EFNA5: variants seen among roughly 807,000 people sequenced by gnomAD.
EFNA5 encodes ephrin-A5.
EFNA5 carries 5 observed loss-of-function variants against 22.9 expected under a neutral mutation model. The ratio of observed to expected loss-of-function variants is 0.22; its 90% CI spans 0.11 to 0.46. The LOEUF (loss-of-function observed/expected upper bound fraction) is 0.46, where lower values mean the gene tolerates loss of function less well. Among genes scored for constraint, EFNA5 ranks in the 20% least tolerant of loss-of-function variants. EFNA5 has a pLI of 0.99. For synonymous variants in EFNA5, 113 were observed against 112.2 expected (o/e 1.01, Z -0.04); for missense variants, 237 against 293.3 (o/e 0.81, Z 1.40).
intron 2 of EFNA5, among the ~76,000 whole-genome samples, chr5:107,426,048 T>G (rs1317033583): frequency 2.6e-5 from 4 of 152,182 alleles, no homozygotes; most frequent in Non-Finnish European, 5.9e-5. Context: ...CTCCCTGAAT[T>G]TATCTTCATC....
chr5:107,453,946 AGTGTGT>A (rs5870261), intron 1 of EFNA5, among the ~76,000 whole-genome samples: 4 of 149,398 alleles, frequency 2.7e-5, no homozygotes, highest in South Asian at 2.1e-4. Flanking sequence ...AAGGAGTGTG[AGTGTGT>A]GTGTGTGTGT....
chr5:107,440,045 A>G (rs1328172466), intron 1 of EFNA5, among the ~76,000 whole-genome samples: 3 of 152,166 alleles, frequency 2.0e-5, no homozygotes, highest in African/African-American at 7.2e-5. Context: ...GTTTTGCACT[A>G]CTTAGTATTA....
intron 2 of EFNA5, among the ~76,000 whole-genome samples, chr5:107,415,432 T>C (rs1484515678): frequency 6.6e-6 from 1 of 152,238 alleles, no homozygotes; most frequent in Non-Finnish European, 1.5e-5. Context: ...CCAAATACTC[T>C]CCACTCCATT....
At chr5:107,409,010 A>T (rs924640557) in intron 2 of EFNA5, among the ~76,000 whole-genome samples, 2 of 152,250 alleles carry the variant, frequency 1.3e-5, no homozygotes, top group Non-Finnish European at 2.9e-5. Flanking sequence ...GCCCAGTCCA[A>T]GGTGATAAAC....
Position 107,623,027 on chromosome 5 carries a change from CAAAAAAAAAAAAAA to C in EFNA5, c.125+47448_125+47461del, listed in dbSNP as rs61689503. On this transcript the variant is annotated intron_variant, in intron 1 of 4. Coordinates refer to ENST00000333274, the MANE Select transcript of EFNA5 (RefSeq NM_001962.3). Reference sequence around the variant, plus strand: ...TGGGTGACAGAGCGAGACTCCGTCTCAAAAAAAAAAAAAAAAAAAAAAAAAAAAAAAGTTGAATA... The same window carrying C: ...TGGGTGACAGAGCGAGACTCCGTCTCAAAAAAAAAAAAAAAAAGTTGAATA... Among the ~76,000 whole-genome samples, 11 of 29,902 alleles carry C rather than the reference CAAAAAAAAAAAAAA, an allele frequency of 3.7e-4. 1 individual carries two copies. The South Asian group carries it at 9.7e-3, about 26-fold the overall frequency. 19.6% of individuals were successfully genotyped at this position (29,902 alleles called of 152,430 possible).
chr5:107,407,526 G>A (rs1162129028), intron 2 of EFNA5, among the ~76,000 whole-genome samples: 2 of 152,120 alleles, frequency 1.3e-5, no homozygotes, highest in African/African-American at 4.8e-5. Flanking sequence ...GATGACCTGG[G>A]CCAGGGACAC....
At chr5:107,583,439 G>A (rs537367689) in intron 1 of EFNA5, among the ~76,000 whole-genome samples, 35 of 152,274 alleles carry the variant, frequency 2.3e-4, no homozygotes, top group African/African-American at 5.8e-4. Flanking sequence ...TTTACTGAGC[G>A]TCGGCAAGGC....
chr5:107,439,763 T>C (rs907616808), intron 1 of EFNA5, among the ~76,000 whole-genome samples: 31 of 152,244 alleles, frequency 2.0e-4, no homozygotes, highest in African/African-American at 7.2e-4. Flanking sequence ...GTTATCTCGC[T>C]GTTTTAGCAA....
intron 1 of EFNA5, among the ~76,000 whole-genome samples, chr5:107,543,225 T>C (rs949580035): frequency 3.3e-5 from 5 of 151,940 alleles, no homozygotes; most frequent in African/African-American, 9.7e-5. Flanking sequence ...GCTAAATTCA[T>C]CCATCAGTGA....
At chr5:107,564,816 T>C (rs903400265) in intron 1 of EFNA5, among the ~76,000 whole-genome samples, 2 of 152,164 alleles carry the variant, frequency 1.3e-5, no homozygotes, top group African/African-American at 4.8e-5. Context: ...TATATCACTG[T>C]CTGATCTAAG....
rs112296968 is a variant in EFNA5 at position 107,427,967 on chromosome 5, T to G, written c.126-458A>C. ...AACAAATAAATGACCGAATTGTTTT[T>G]TGTTATAGTTGAGGCCATTTTCCAC... is the stretch of plus-strand genomic sequence containing the variant. On this transcript the variant is annotated intron_variant, in intron 1 of 4. Coordinates refer to ENST00000333274, the MANE Select transcript of EFNA5 (RefSeq NM_001962.3). Among the ~76,000 whole-genome samples, 19 of 152,360 alleles carry G rather than the reference T, an allele frequency of 1.2e-4. 2 individuals carry two copies. The highest frequency in any genetic ancestry group is 4.3e-4 in the African/African-American group (18 of 41,594).
intron 1 of EFNA5, among the ~76,000 whole-genome samples, chr5:107,542,134 A>G (rs1332469155): frequency 6.6e-6 from 1 of 152,190 alleles, no homozygotes; most frequent in African/African-American, 2.4e-5. Flanking sequence ...CATATGAGAC[A>G]ATGGGGCCAC....
intron 1 of EFNA5, among the ~76,000 whole-genome samples, chr5:107,497,977 G>A (rs976645908): frequency 1.2e-4 from 19 of 152,100 alleles, no homozygotes; most frequent in African/African-American, 4.3e-4. Flanking sequence ...GTGCAGTGGC[G>A]CGATCTCGGC....
Position 107,579,890 on chromosome 5 carries a change from T to C in EFNA5, c.125+90599A>G, listed in dbSNP as rs573907630. 7.2e-5 allele frequency among the ~76,000 whole-genome samples: 11 copies of C among 152,330 alleles called. No individual in the cohort carries two copies. In the South Asian group the frequency reaches 2.1e-3, roughly 29 times the overall value. Reference sequence around the variant, plus strand: ...AGTTCTTTGCAATATTTTAACTATATAACAAAGAGACAGATGTTTAATCAA... The same window carrying C: ...AGTTCTTTGCAATATTTTAACTATACAACAAAGAGACAGATGTTTAATCAA... On this transcript the variant is annotated intron_variant, in intron 1 of 4. Transcript: ENST00000333274.
chr5:107,581,130 T>C (rs1749066672), intron 1 of EFNA5, among the ~76,000 whole-genome samples: 1 of 152,212 alleles, frequency 6.6e-6, no homozygotes, highest in Admixed American at 6.5e-5. Flanking sequence ...GCCAGGCTGT[T>C]TAATTCAGAT....
At chr5:107,407,342 G>A (rs555886280) in intron 2 of EFNA5, among the ~76,000 whole-genome samples, 1 of 152,094 alleles carries the variant, frequency 6.6e-6, no homozygotes, top group Non-Finnish European at 1.5e-5. Context: ...GACCACTTTC[G>A]CATCCTCAGA....
Position 107,538,788 on chromosome 5 carries a change from G to A in EFNA5, c.126-111279C>T, listed in dbSNP as rs1024612571. Among the ~76,000 whole-genome samples the A allele has an allele frequency of 9.8e-5, 15 of 152,312 alleles. 1 individual carries two copies. Among genetic ancestry groups the A allele is most frequent in the Admixed American group, 4.6e-4 (7 of 15,296 alleles). The stretch of plus-strand genomic sequence containing the variant: ...ATTTTGTATTCCATTTGTAAAGTCC[G>A]AATTCAGCTGCAATGATGTCATGTG... On this transcript the variant is annotated intron_variant, in intron 1 of 4. Coordinates refer to ENST00000333274, the MANE Select transcript of EFNA5 (RefSeq NM_001962.3).
chr5:107,620,994 G>A (rs562313630), intron 1 of EFNA5, among the ~76,000 whole-genome samples: 320 of 152,284 alleles, frequency 2.1e-3, no homozygotes, highest in Non-Finnish European at 3.4e-3. Flanking sequence ...GGAAGGGAAA[G>A]TAATTTGTTA....
intron 1 of EFNA5, among the ~76,000 whole-genome samples, chr5:107,493,714 A>G (rs1746878513): frequency 6.6e-6 from 1 of 152,244 alleles, no homozygotes; most frequent in African/African-American, 2.4e-5. Flanking sequence ...TACAAGGTTT[A>G]TAATGAGCTG....
Sources: allele counts gnomAD v4.1 joint callset (sites outside exome capture counted in the v4.1 genomes callset), GRCh38; gene constraint gnomAD v4.1.1; transcripts MANE v1.5; gene names NCBI Gene and HGNC (gene_info 2026-07-23, HGNC 2026-07-21).